Variants in BECN1 observed in about 807,000 individuals in gnomAD.
BECN1 encodes beclin-1.
In BECN1, 15 loss-of-function variants were observed where a neutral mutation model predicts 60.1. The observed-to-expected ratio is 0.25, with a 90% CI of 0.17 to 0.38. The LOEUF (loss-of-function observed/expected upper bound fraction) is 0.38, where lower values mean the gene tolerates loss of function less well. Among genes scored for constraint, BECN1 ranks in the 10% least tolerant of loss-of-function variants. The probability of loss-of-function intolerance (pLI) is 1.00; values close to 1 mark genes in which losing one functional copy is unlikely to be tolerated. For synonymous variants in BECN1, 179 were observed against 201.8 expected, an observed-to-expected ratio of 0.89 and a Z score of 0.96; for missense variants, 424 against 548.2, an observed-to-expected ratio of 0.77 and a Z score of 2.26.
At chr17:42,816,568 C>T (rs1173022541) in intron 7 of BECN1, among the ~76,000 whole-genome samples, 4 of 150,040 alleles carry the variant, frequency 2.7e-5, no homozygotes, top group Non-Finnish European at 5.9e-5. Flanking sequence ...GGCAGAATTG[C>T]TTCAACCCAG....
chr17:42,810,712 AAAC>A lies in BECN1; in HGVS notation c.*45_*47del. 2.6e-6 allele frequency: 4 copies of A among 1,524,646 alleles called. No homozygotes were observed. Among genetic ancestry groups the A allele is most frequent in the Non-Finnish European group, 3.5e-6 (4 of 1,131,442 alleles). The allele number at this position is 1,524,646 out of a possible 1,614,324, so 94.4% of individuals were successfully genotyped here. On this transcript the variant is annotated 3_prime_UTR_variant, in exon 12 of 12. Coordinates refer to ENST00000590099, the MANE Select transcript of BECN1 (RefSeq NM_001313998.2). ...TTAATTTAAAACATGTTTGCAAACA[AAAC>A]AAAATTAAAAGCCTTTAAGGCAAAC...
At chr17:42,816,206 A>G in intron 7 of BECN1, 152 bp from the exon 8 acceptor site, 1 of 806,304 alleles carries the variant, frequency 1.2e-6, no homozygotes, top group Non-Finnish European at 1.8e-6. Context: ...AGGAACATGT[A>G]TGTCCTAGCT....
chr17:42,821,100 G>A (rs567430741), intron 2 of BECN1, among the ~76,000 whole-genome samples: 28 of 152,060 alleles, frequency 1.8e-4, no homozygotes, highest in African/African-American at 6.3e-4. Flanking sequence ...TTGCTCTGTC[G>A]CCAGGCTGGG....
intron 10 of BECN1, among the ~76,000 whole-genome samples, chr17:42,813,082 G>T (rs2055065732): frequency 1.4e-5 from 2 of 148,100 alleles, no homozygotes; most frequent in Admixed American, 1.4e-4. Context: ...CTGACCTTGT[G>T]ATCCACCCGC....
intron 10 of BECN1, 176 bp downstream of exon 10, chr17:42,813,772 C>T: frequency 2.1e-6 from 1 of 487,736 alleles, no homozygotes. Flanking sequence ...AACCTGATTT[C>T]TGTCTACAAG....
chr17:42,824,072 G>T, intron 1 of BECN1, 83 bp downstream of exon 1: 1 of 632,782 alleles, frequency 1.6e-6, no homozygotes, highest in South Asian at 2.4e-5. Flanking sequence ...AGAGCCCAGG[G>T]TCAGGGAAGG....
chr17:42,816,147 G>C, intron 7 of BECN1, 93 bp from the exon 8 acceptor site: 1 of 1,289,710 alleles, frequency 7.8e-7, no homozygotes, highest in Non-Finnish European at 1.1e-6. Context: ...AGTGATCATC[G>C]TTACATCTAG....
intron 4 of BECN1, 123 bp downstream of exon 4, chr17:42,819,425 G>C: frequency 9.3e-7 from 1 of 1,076,838 alleles, no homozygotes; most frequent in African/African-American, 1.6e-5. Context: ...CATCTTTTCT[G>C]AAAGGGCCAA....
Position 42,811,801 on chromosome 17 carries a change from C to A in BECN1, c.1042-4G>T. On this transcript the variant is annotated splice_polypyrimidine_tract_variant and splice_region_variant and intron_variant, in intron 10 of 11. Transcript: ENST00000590099. ...CAGAACAGTATAACGGCAGCTCCTG[C>A]CCAAGAAGAGAAAACTGGCTATGGA... 1 of 1,606,754 alleles carries A rather than the reference C, an allele frequency of 6.2e-7. No homozygotes were observed. The highest frequency in any genetic ancestry group is 8.5e-7 in the Non-Finnish European group (1 of 1,177,672).
chr17:42,818,769 G>T lies in BECN1; in HGVS notation c.351+18C>A, dbSNP rs376109783. 53 of 1,613,900 alleles carry T rather than the reference G, an allele frequency of 3.3e-5. No individual in the cohort carries two copies. The Admixed American group carries it at 7.3e-4, about 22-fold the overall frequency. On this transcript the variant is annotated intron_variant, in intron 5 of 11. Coordinates refer to ENST00000590099, the MANE Select transcript of BECN1 (RefSeq NM_001313998.2). ...CCAGCCAGGCCTACTGCTTGCCACC[G>T]GAATGGGGCCGACTTGCCTTCAGTC...
At chr17:42,820,937 AC>A (rs1411780498) in intron 2 of BECN1, 96 bp from the exon 3 acceptor site, 8 of 1,076,106 alleles carry the variant, frequency 7.4e-6, no homozygotes, top group Non-Finnish European at 1.1e-5. Flanking sequence ...TCTCATCACC[AC>A]CCTCACCTCC....
chr17:42,815,844 G>A (rs1331714811), intron 8 of BECN1, 64 bp downstream of exon 8: 16 of 1,604,694 alleles, frequency 1.0e-5, no homozygotes, highest in Admixed American at 1.7e-5. Flanking sequence ...GGGCACCCAG[G>A]CTTAGTGGTC....
chr17:42,823,451 G>A (rs1567675099), intron 2 of BECN1, among the ~76,000 whole-genome samples: 1 of 152,132 alleles, frequency 6.6e-6, no homozygotes, highest in East Asian at 1.9e-4. Flanking sequence ...GAGGGGTTTC[G>A]CCATGTTGGC....
chr17:42,823,712 A>T, intron 2 of BECN1, 36 bp downstream of exon 2: 1 of 1,604,620 alleles, frequency 6.2e-7, no homozygotes, highest in Non-Finnish European at 8.5e-7. Context: ...CACCTTCCAC[A>T]TTCTTGACCA....
intron 9 of BECN1, 117 bp downstream of exon 9, chr17:42,814,407 G>A: frequency 7.1e-7 from 1 of 1,409,436 alleles, no homozygotes; most frequent in East Asian, 2.3e-5. Context: ...TTCAGCCACA[G>A]AAAACTCCCA....
intron 8 of BECN1, among the ~76,000 whole-genome samples, chr17:42,815,387 C>A (rs184793184): frequency 1.3e-5 from 2 of 152,256 alleles, no homozygotes; most frequent in Non-Finnish European, 2.9e-5. Context: ...CGTAAGTCCC[C>A]TATGGGGAAA....
intron 3 of BECN1, among the ~76,000 whole-genome samples, 183 bp from the exon 4 acceptor site, chr17:42,819,792 G>A (rs772572391): frequency 6.6e-6 from 1 of 152,002 alleles, no homozygotes; most frequent in African/African-American, 2.4e-5. Context: ...AAGGACCCAC[G>A]ATACAGACAA....
In BECN1 at chr17:42,810,561, G is replaced by A; in HGVS notation, c.*199C>T. The A allele has an allele frequency of 2.2e-6, 1 of 464,834 alleles. No homozygotes were observed. The highest frequency in any genetic ancestry group is 3.6e-6 in the Non-Finnish European group (1 of 279,230). 28.8% of individuals were successfully genotyped at this position (464,834 alleles called of 1,614,324 possible). A position where few individuals can be genotyped will look rare whatever the true frequency, so the allele number is the denominator to read the frequency against. Reference sequence around the variant, plus strand: ...TAAGAATCAAAACTGACCAGGGCTGGCAACTATAGATGGCATGTTGTAGCT... The same window carrying A: ...TAAGAATCAAAACTGACCAGGGCTGACAACTATAGATGGCATGTTGTAGCT... On this transcript the variant is annotated 3_prime_UTR_variant, in exon 12 of 12. Coordinates refer to ENST00000590099, the MANE Select transcript of BECN1 (RefSeq NM_001313998.2).
intron 8 of BECN1, 58 bp from the exon 9 acceptor site, chr17:42,814,731 A>G (rs1429694920): frequency 8.1e-6 from 13 of 1,600,852 alleles, no homozygotes; most frequent in South Asian, 2.2e-5. Context: ...AAAGTTTGAC[A>G]TTTCCCACTC....
Sources: allele counts gnomAD v4.1 joint callset (sites outside exome capture counted in the v4.1 genomes callset), GRCh38; gene constraint gnomAD v4.1.1; transcripts MANE v1.5; gene names NCBI Gene and HGNC (gene_info 2026-07-23, HGNC 2026-07-21).